The following PTCH1 variants were observed in gnomAD, a reference collection of about 807,000 sequenced individuals.
PTCH1 encodes the protein protein patched homolog 1.
PTCH1 carries 14 observed loss-of-function variants against 144.6 expected under a neutral mutation model. That is an observed-to-expected ratio of 0.10 (90% confidence interval 0.06 to 0.15). The LOEUF (loss-of-function observed/expected upper bound fraction) is 0.15. Ranked by LOEUF, PTCH1 falls within the 10% of genes least tolerant of loss-of-function variation. PTCH1 has a pLI of 1.00. For missense variants in PTCH1, 1,623 were observed against 1,948.3 expected (o/e 0.83, Z 3.14); for synonymous variants, 833 against 793.6 (o/e 1.05, Z -0.83).
intron 16 of PTCH1, 88 bp downstream of exon 16, chr9:95,461,768 G>A (rs2136684535): frequency 6.4e-7 from 1 of 1,557,644 alleles, no homozygotes; most frequent in Non-Finnish European, 8.8e-7. Context: ...GAGAGCACAG[G>A]GTGGGGTCAC....
At chr9:95,480,821 G>A (rs1841479753) in intron 5 of PTCH1, among the ~76,000 whole-genome samples, 1 of 152,120 alleles carries the variant, frequency 6.6e-6, no homozygotes, top group African/African-American at 2.4e-5. Context: ...ATAAGTTAAT[G>A]AGGGCACTGA....
intron 1 of PTCH1, chr9:95,516,353 C>T: frequency 1.6e-5 from 13 of 807,960 alleles, no homozygotes; most frequent in Non-Finnish European, 2.0e-5. Flanking sequence ...GCGCTCGGGG[C>T]TCGCTCCTCC....
chr9:95,494,121 A>C, intron 2 of PTCH1: 1 of 785,144 alleles, frequency 1.3e-6, no homozygotes, highest in Non-Finnish European at 1.5e-6. Flanking sequence ...GGGCGCAGGT[A>C]GTGCGCAGGC....
At chr9:95,480,342 A>C in intron 6 of PTCH1, 48 bp downstream of exon 6, 5 of 1,594,832 alleles carry the variant, frequency 3.1e-6, no homozygotes, top group Non-Finnish European at 4.3e-6. Flanking sequence ...GACACAAAAA[A>C]GTGTTTTGCT....
chr9:95,467,968 A>G (rs1840172669), intron 14 of PTCH1, among the ~76,000 whole-genome samples: 1 of 152,044 alleles, frequency 6.6e-6, no homozygotes, highest in Non-Finnish European at 1.5e-5. Context: ...GTGCAGTGGC[A>G]TGATCAGGGC....
chr9:95,469,320 C>A, intron 13 of PTCH1, 167 bp from the exon 14 acceptor site: 1 of 953,352 alleles, frequency 1.0e-6, no homozygotes, highest in South Asian at 1.5e-5. Context: ...TTGATAACAT[C>A]ACCTGGTTCA....
chr9:95,508,141 GGAGA>G lies in PTCH1; in HGVS notation c.201+16_201+19del. 1 of 1,612,226 alleles carries G rather than the reference GGAGA, an allele frequency of 6.2e-7. No individual in the cohort carries two copies. The highest frequency in any genetic ancestry group is 1.3e-5 in the African/African-American group (1 of 74,992). Reference sequence around the variant, plus strand: ...TTAGAGGAGGGAAGAGAAAGTGGGAGGAGAGAGTCTGAAATGCACCTTGGAAATC... The same window carrying G: ...TTAGAGGAGGGAAGAGAAAGTGGGAGGAGTCTGAAATGCACCTTGGAAATC... On this transcript the variant is annotated intron_variant, in intron 1 of 23. Transcript: ENST00000331920.
chr9:95,492,761 T>C (rs1313814725), intron 2 of PTCH1, among the ~76,000 whole-genome samples: 1 of 151,966 alleles, frequency 6.6e-6, no homozygotes, highest in Non-Finnish European at 1.5e-5. Context: ...ATAATCCGTA[T>C]TTTTATTTAA....
rs1191711278 is a variant in PTCH1, at chr9:95,476,252, A to T, written c.1603-93T>A. On this transcript the variant is annotated intron_variant, in intron 11 of 23. Transcript: ENST00000331920. This position sits in a 1 kb window ranked among gnomAD's most constrained non-coding sequence, Gnocchi z 4.6. ...GAGCAGATACGTGGCAGAATAACAC[A>T]ACTGTTATTACAGCTTATCATGCTG... 3 of 1,502,402 alleles carry T rather than the reference A, an allele frequency of 2.0e-6. No homozygotes were observed. The highest frequency in any genetic ancestry group is 2.7e-6 in the Non-Finnish European group (3 of 1,111,238). 93.1% of individuals were successfully genotyped at this position (1,502,402 alleles called of 1,614,324 possible).
At chr9:95,484,202 C>T (rs1034340525) in intron 3 of PTCH1, 1 of 152,224 alleles carries the variant, frequency 6.6e-6, no homozygotes, top group Admixed American at 6.5e-5. Flanking sequence ...CAACCTGGCT[C>T]CCCACAGGGA....
At chr9:95,484,854 T>C (rs1434327239) in intron 3 of PTCH1, among the ~76,000 whole-genome samples, 1 of 152,204 alleles carries the variant, frequency 6.6e-6, no homozygotes, top group Non-Finnish European at 1.5e-5. Flanking sequence ...CCTAATGCTT[T>C]ACTCTACTCA....
intron 1 of PTCH1, chr9:95,507,716 C>T (rs1417198319): frequency 7.6e-5 from 14 of 183,176 alleles, no homozygotes; most frequent in Non-Finnish European, 1.0e-4. Context: ...CTCCGCCTCC[C>T]CCTCCAAGAT....
intron 2 of PTCH1, among the ~76,000 whole-genome samples, chr9:95,499,756 C>T (rs2118784000): frequency 1.3e-5 from 2 of 152,088 alleles, no homozygotes; most frequent in South Asian, 2.1e-4. Flanking sequence ...TATAATATTT[C>T]CATATTTGTT....
rs1838907781 is a variant in PTCH1, at chr9:95,456,202, C to T, written c.3306+74G>A. 26 of 1,597,966 alleles carry T rather than the reference C, an allele frequency of 1.6e-5. No homozygotes were observed. In the South Asian group the frequency reaches 2.7e-4, roughly 16 times the overall value. ...ACGCACAGGGAGAATGCAAGGTTCC[C>T]ACTTGGAGACAAACAGAGCCAGAGG... On this transcript the variant is annotated intron_variant, in intron 19 of 23. Coordinates refer to ENST00000331920, the MANE Select transcript of PTCH1 (RefSeq NM_000264.5).
intron 1 of PTCH1, among the ~76,000 whole-genome samples, chr9:95,515,298 A>T (rs1844314336): frequency 6.6e-6 from 1 of 152,176 alleles, no homozygotes; most frequent in Non-Finnish European, 1.5e-5. Flanking sequence ...AAATATTTAG[A>T]GCCACCCATT....
chr9:95,447,033 A>G lies in PTCH1; in HGVS notation c.4223T>C (p.Leu1408Pro), dbSNP rs2136572889. Residue 1408 changes from leucine to proline, a missense_variant, in exon 23 of 24, where the codon CTG becomes CCG. Transcript: ENST00000331920. Reference protein sequence around the residue: ...CPGYPETDHGLFEDPHVPFHV... With the variant: ...CPGYPETDHGPFEDPHVPFHV... ...GAAAGGCACGTGGGGGTCCTCAAAC[A>G]GGCCGTGGTCAGTCTCAGGGTAGCC... The G allele has an allele frequency of 6.2e-7, 1 of 1,614,158 alleles. No homozygotes were observed. The highest frequency in any genetic ancestry group is 8.5e-7 in the Non-Finnish European group (1 of 1,180,022).
Position 95,449,230 on chromosome 9 carries a change from G to A in PTCH1, c.3643C>T (p.His1215Tyr), listed in dbSNP as rs1554689404. The A allele has an allele frequency of 6.3e-7, 1 of 1,591,248 alleles. No individual in the cohort carries two copies. ...GAGTCGGAGGAATCAGACCCGCTGT[G>A]CGTGTGGCCGGGCGGCATGGCGAAG... The part of the protein sequence containing the change: ...VRFAMPPGHT[H>Y]SGSDSSDSEY... Residue 1215 changes from histidine to tyrosine, a missense_variant, in exon 22 of 24, where the codon CAC becomes TAC. His to Tyr is a moderately conservative substitution (Grantham distance 83, BLOSUM62 2). Around this residue, in one of 7 missense-constraint regions of PTCH1, gnomAD observed 504 missense variants for 679.3 expected, o/e 0.74. Transcript: ENST00000331920. The surrounding 1 kb of genome is among the most constrained non-coding windows in gnomAD (Gnocchi z 5.3).
At chr9:95,456,027 ACACACCAACCCT>A (rs1838890188) in intron 19 of PTCH1, among the ~76,000 whole-genome samples, 6 of 152,196 alleles carry the variant, frequency 3.9e-5, no homozygotes, top group Non-Finnish European at 8.8e-5. Flanking sequence ...GCCCACTCCA[ACACACCAACCCT>A]GCACTGCCTA....
intron 3 of PTCH1, chr9:95,483,933 T>C (rs1841772055): frequency 6.6e-6 from 1 of 152,204 alleles, no homozygotes. Flanking sequence ...GAAAAAGGCT[T>C]TGAAACCTGG....
Sources: allele counts gnomAD v4.1 joint callset (sites outside exome capture counted in the v4.1 genomes callset), GRCh38; gene constraint gnomAD v4.1.1; regional missense constraint gnomAD v4.1.1; non-coding constraint Gnocchi (gnomAD v3.1); transcripts MANE v1.5; gene names NCBI Gene and HGNC (gene_info 2026-07-23, HGNC 2026-07-21).